Variants in LRBA observed in about 807,000 individuals in gnomAD.
The protein encoded by LRBA is LPS responsive beige-like anchor protein.
In LRBA, 176 loss-of-function variants were observed where a neutral mutation model predicts 330.0. That is an observed-to-expected ratio of 0.53 (90% CI 0.47 to 0.60). The LOEUF (loss-of-function observed/expected upper bound fraction) is 0.60, where lower values mean the gene tolerates loss of function less well. Among genes scored for constraint, LRBA ranks in the 20% least tolerant of loss-of-function variants. The pLI is 0.00. For synonymous variants in LRBA, 1,230 were observed against 1,193.0 expected (o/e 1.03, Z -0.64); for missense variants, 3,259 against 3,444.8 (o/e 0.95, Z 1.35).
intron 36 of LRBA, among the ~76,000 whole-genome samples, chr4:150,694,462 C>CGAAAAAAAAAAAAAAAAAAAAAA: frequency 1.4e-5 from 1 of 71,044 alleles, no homozygotes; most frequent in Middle Eastern, 0.014. Flanking sequence ...TGATCTTTAA[C>CGAAAAAAAAAAAAAAAAAAAAAA]AAAAAAAAAA....
At chr4:150,896,223 G>A (rs898944325) in intron 16 of LRBA, among the ~76,000 whole-genome samples, 171 bp downstream of exon 16, 1 of 151,932 alleles carries the variant, frequency 6.6e-6, no homozygotes. Flanking sequence ...TTCATCTTGT[G>A]GTAATAAAGG....
intron 22 of LRBA, among the ~76,000 whole-genome samples, chr4:150,863,378 C>T (rs1490145602): frequency 6.6e-6 from 1 of 152,022 alleles, no homozygotes; most frequent in Non-Finnish European, 1.5e-5. Flanking sequence ...AACTAAGACA[C>T]AAGCCAGTCC....
chr4:150,942,880 T>C (rs1274399447), intron 2 of LRBA, among the ~76,000 whole-genome samples: 1 of 152,154 alleles, frequency 6.6e-6, no homozygotes, highest in African/African-American at 2.4e-5. Context: ...GATTTTTTTT[T>C]CTTTAAATAG....
At chr4:150,920,432 G>A (rs61668839) in intron 5 of LRBA, among the ~76,000 whole-genome samples, 2 of 151,966 alleles carry the variant, frequency 1.3e-5, no homozygotes, top group South Asian at 2.1e-4. Context: ...ACTTGTAATC[G>A]CAGCTACTCA....
At chr4:150,872,513 A>T (rs1360173265) in intron 18 of LRBA, 150 bp downstream of exon 18, 1 of 459,608 alleles carries the variant, frequency 2.2e-6, no homozygotes, top group African/African-American at 2.1e-5. Flanking sequence ...AATTTTTAAA[A>T]TATGTACTAG....
chr4:150,935,873 G>T (rs1205662670), intron 2 of LRBA, among the ~76,000 whole-genome samples: 2 of 151,572 alleles, frequency 1.3e-5, no homozygotes, highest in East Asian at 1.9e-4. Flanking sequence ...TACAAAATAT[G>T]CCAAAATAAA....
In LRBA at chr4:150,271,911, G is replaced by A. The variant is rs111927182; in HGVS notation, c.8468+5942C>T. Among the ~76,000 whole-genome samples, 684 of 152,306 alleles carry A rather than the reference G, an allele frequency of 4.5e-3. 4 individuals are homozygous for A. Among genetic ancestry groups the A allele is most frequent in the African/African-American group, 0.015 (630 of 41,574 alleles). ...TCTCCCTGGGACAGAGCACCTGGGG[G>A]AAGGGGCAGCTGTGGGTGCAGCTTC... On this transcript the variant is annotated intron_variant, in intron 56 of 56. Transcript: ENST00000651943.
In LRBA at chr4:150,456,019, T is replaced by C. The variant is rs1225978195; in HGVS notation, c.6780+11654A>G. ...ACAGTATCTCATTCTTTTTTATGGC[T>C]GAATAGTACTCCATTGTGTATAAGC... On this transcript the variant is annotated intron_variant, in intron 44 of 56. Coordinates refer to ENST00000651943, the MANE Select transcript of LRBA (RefSeq NM_001364905.1). Among the ~76,000 whole-genome samples, 3 of 152,186 alleles carry C rather than the reference T, an allele frequency of 2.0e-5. No individual in the cohort carries two copies. The East Asian group carries it at 5.8e-4, about 29-fold the overall frequency.
chr4:150,583,383 G>C lies in LRBA; in HGVS notation c.6330+4665C>G, dbSNP rs1240162223. The C allele has an allele frequency of 5.6e-6, 9 of 1,613,968 alleles. No homozygotes were observed. The Admixed American group carries it at 1.2e-4, about 21-fold the overall frequency. On this transcript the variant is annotated intron_variant, in intron 40 of 56. Coordinates refer to ENST00000651943, the MANE Select transcript of LRBA (RefSeq NM_001364905.1). This position sits in a 1 kb window ranked among gnomAD's most constrained non-coding sequence, Gnocchi z 9.8. ...TGTCTCTCTGGGTCGAGTTCATCAC[G>C]GCGTCGGGCTATCTCTCAGCGCGTA...
chr4:150,417,476 T>G (rs1175328725), intron 46 of LRBA, among the ~76,000 whole-genome samples: 2 of 152,202 alleles, frequency 1.3e-5, no homozygotes, highest in African/African-American at 2.4e-5. Context: ...CTTTCCTTGT[T>G]CATTGACAAT....
At chr4:150,439,008 T>A (rs1581314332) in intron 44 of LRBA, among the ~76,000 whole-genome samples, 1 of 152,280 alleles carries the variant, frequency 6.6e-6, no homozygotes, top group East Asian at 1.9e-4. Context: ...ACTAAATATG[T>A]GCCAGTTAAG....
At chr4:150,508,416 G>A (rs1561281302) in intron 40 of LRBA, among the ~76,000 whole-genome samples, 3 of 151,862 alleles carry the variant, frequency 2.0e-5, no homozygotes, top group African/African-American at 7.3e-5. Flanking sequence ...CTGAGTAGCT[G>A]GGACTAGGAC....
At position 150,840,705 on chromosome 4, in the gene LRBA, T is replaced by A. The variant is rs1239834552; in HGVS notation, c.4569+3395A>T. ...TTTGAAATATTGTAAGAATTACCAA[T>A]ATATGACATAAAGACATAAAGTACA... On this transcript the variant is annotated intron_variant, in intron 28 of 56. Coordinates refer to ENST00000651943, the MANE Select transcript of LRBA (RefSeq NM_001364905.1). 8 of 163,008 alleles carry A rather than the reference T, an allele frequency of 4.9e-5. No individual in the cohort carries two copies. The South Asian group carries it at 1.2e-3, about 25-fold the overall frequency. 10.1% of individuals were successfully genotyped at this position (163,008 alleles called of 1,614,324 possible). A position where few individuals can be genotyped will look rare whatever the true frequency, so the allele number is the denominator to read the frequency against.
intron 56 of LRBA, among the ~76,000 whole-genome samples, chr4:150,272,460 G>A (rs1746234392): frequency 6.6e-6 from 1 of 151,786 alleles, no homozygotes; most frequent in Non-Finnish European, 1.5e-5. Context: ...GAACAAAGCT[G>A]AACAGTTTGA....
chr4:150,434,281 T>C (rs1020049073), intron 46 of LRBA, among the ~76,000 whole-genome samples: 3 of 152,196 alleles, frequency 2.0e-5, no homozygotes, highest in East Asian at 1.9e-4. Context: ...TAAAAAAAAA[T>C]AGACTGTATT....
Position 150,844,171 on chromosome 4 carries a change from C to A in LRBA, c.4498G>T (p.Val1500Leu). 6 of 1,610,828 alleles carry A rather than the reference C, an allele frequency of 3.7e-6. No individual in the cohort carries two copies. Among genetic ancestry groups the A allele is most frequent in the Non-Finnish European group, 5.1e-6 (6 of 1,177,908 alleles). ...TGTAGAAGCCTGTCAAGATCTCTTA[C>A]TGGAGATATACCGCCAGTCACAATG... Reference protein sequence around the residue: ...VDIVTGGISPVRDLDRLLQDM... With the variant: ...VDIVTGGISPLRDLDRLLQDM... Residue 1500 changes from valine (V) to leucine (L), a missense_variant, in exon 28 of 57, where the codon GTA becomes TTA. By Grantham distance (32) the Val-to-Leu change is conservative. Coordinates refer to ENST00000651943, the MANE Select transcript of LRBA (RefSeq NM_001364905.1).
chr4:150,951,288 T>C (rs1736804980), intron 2 of LRBA, among the ~76,000 whole-genome samples: 1 of 152,212 alleles, frequency 6.6e-6, no homozygotes, highest in Non-Finnish European at 1.5e-5. Flanking sequence ...ATACGTATAG[T>C]TGTATATAAC....
intron 40 of LRBA, among the ~76,000 whole-genome samples, chr4:150,511,110 G>C (rs554448760): frequency 6.6e-6 from 1 of 152,180 alleles, no homozygotes; most frequent in East Asian, 1.9e-4. Flanking sequence ...CTCCGGCCTT[G>C]GCCTCCCAAA....
At chr4:150,997,035 C>G (rs1240794584) in intron 2 of LRBA, among the ~76,000 whole-genome samples, 4 of 152,102 alleles carry the variant, frequency 2.6e-5, no homozygotes, top group Non-Finnish European at 5.9e-5. Flanking sequence ...GCATTAATTT[C>G]TTTTTTTATT....
Sources: gnomAD v4.1 joint callset for allele counts (sites outside exome capture counted in the v4.1 genomes callset) on GRCh38, gnomAD v4.1.1 for gene constraint, Gnocchi (gnomAD v3.1) non-coding constraint, MANE v1.5 for transcripts, NCBI Gene and HGNC (gene_info 2026-07-23, HGNC 2026-07-21) for gene names.